The following RYR2 variants were observed in gnomAD, a reference collection of about 807,000 sequenced individuals.
RYR2 encodes the protein cardiac muscle ryanodine receptor-calcium release channel.
A neutral mutation model predicts 601.1 loss-of-function variants in RYR2; 227 were observed. That is an observed-to-expected ratio of 0.38 (90% CI 0.34 to 0.42). RYR2 has a LOEUF of 0.42. Ranked by LOEUF, RYR2 falls within the 10% of genes least tolerant of loss-of-function variation. RYR2 has a pLI of 1.00. For missense variants in RYR2, 4,646 were observed against 6,156.5 expected (o/e 0.75, Z 8.21); for synonymous variants, 2,223 against 2,175.1 (o/e 1.02, Z -0.61).
intron 99 of RYR2, 121 bp downstream of exon 99, chr1:237,806,404 G>T (rs548573954): frequency 3.3e-6 from 3 of 910,138 alleles, no homozygotes; most frequent in South Asian, 1.8e-5. Context: ...TGAAGGGAGG[G>T]TCTGCACCTG....
intron 25 of RYR2, among the ~76,000 whole-genome samples, chr1:237,536,694 G>A (rs1190729561): frequency 7.6e-6 from 1 of 131,360 alleles, no homozygotes; most frequent in Non-Finnish European, 1.6e-5. Flanking sequence ...CAGCCCGGAC[G>A]ACAGAGCGAG....
At chr1:237,437,083 T>C (rs1231310857) in intron 12 of RYR2, among the ~76,000 whole-genome samples, 2 of 151,900 alleles carry the variant, frequency 1.3e-5, no homozygotes, top group African/African-American at 2.4e-5. Flanking sequence ...CTGGCTCTGT[T>C]GCCCAGGCTG....
At chr1:237,460,127 C>G (rs958964256) in intron 16 of RYR2, among the ~76,000 whole-genome samples, 2 of 152,164 alleles carry the variant, frequency 1.3e-5, no homozygotes, top group African/African-American at 4.8e-5. Context: ...CTAGTGCGGC[C>G]TTTTCTTGAT....
rs6675194 is a variant in RYR2, at chr1:237,247,216, G to T, written c.49-23281G>T. On this transcript the variant is annotated intron_variant, in intron 1 of 104. Transcript: ENST00000366574. ...GAAGGACGGAGAAGGAAAAGCTCTC[G>T]ACACTGTGAAATAGCTTACTGGAAG... Among the ~76,000 whole-genome samples, 819 of 152,226 alleles carry T rather than the reference G, an allele frequency of 5.4e-3. 7 individuals are homozygous for T. Among genetic ancestry groups the T allele is most frequent in the African/African-American group, 0.018 (740 of 41,528 alleles).
intron 11 of RYR2, among the ~76,000 whole-genome samples, chr1:237,421,744 G>GA (rs1705607674): frequency 6.6e-6 from 1 of 151,996 alleles, no homozygotes; most frequent in Non-Finnish European, 1.5e-5. Context: ...TTGACTCATT[G>GA]TATTTTGACA....
chr1:237,335,840 T>C, intron 3 of RYR2, among the ~76,000 whole-genome samples: 1 of 152,204 alleles, frequency 6.6e-6, no homozygotes, highest in Non-Finnish European at 1.5e-5. Flanking sequence ...TGGGTATTGG[T>C]AGTTTACCGC....
chr1:237,267,985 G>T (rs1351713537), intron 1 of RYR2, among the ~76,000 whole-genome samples: 1 of 152,188 alleles, frequency 6.6e-6, no homozygotes, highest in Non-Finnish European at 1.5e-5. Flanking sequence ...GATTAAATAA[G>T]TTAATGCCAG....
intron 1 of RYR2, among the ~76,000 whole-genome samples, chr1:237,064,964 GT>G (rs1269022588): frequency 7.9e-5 from 12 of 151,956 alleles, no homozygotes. Flanking sequence ...TGGAACTGAA[GT>G]CCCCCATGAG....
intron 25 of RYR2, among the ~76,000 whole-genome samples, chr1:237,532,384 G>A (rs1668220765): frequency 6.6e-6 from 1 of 151,968 alleles, no homozygotes; most frequent in South Asian, 2.1e-4. Context: ...AACCATAATT[G>A]TTTATTATGA....
At chr1:237,167,641 T>C (rs1676858477) in intron 1 of RYR2, among the ~76,000 whole-genome samples, 1 of 152,016 alleles carries the variant, frequency 6.6e-6, no homozygotes, top group African/African-American at 2.4e-5. Flanking sequence ...TTTCAAAATA[T>C]GTAGTATGTG....
intron 10 of RYR2, among the ~76,000 whole-genome samples, 177 bp from the exon 11 acceptor site, chr1:237,416,872 C>T (rs918123843): frequency 5.9e-5 from 9 of 151,994 alleles, no homozygotes; most frequent in African/African-American, 2.2e-4. Flanking sequence ...ATCACTGTTA[C>T]TGTTATTTTG....
intron 44 of RYR2, among the ~76,000 whole-genome samples, chr1:237,637,026 G>A (rs1680945070): frequency 6.6e-6 from 1 of 152,156 alleles, no homozygotes; most frequent in African/African-American, 2.4e-5. Context: ...CTGGGACTAG[G>A]TGTGTGGGGA....
intron 3 of RYR2, among the ~76,000 whole-genome samples, chr1:237,332,950 A>G (rs998545559): frequency 6.6e-6 from 1 of 152,148 alleles, no homozygotes; most frequent in African/African-American, 2.4e-5. Context: ...TGGAATATCT[A>G]GGATTACAGA....
intron 60 of RYR2, among the ~76,000 whole-genome samples, chr1:237,676,420 C>T (rs770940028): frequency 2.6e-5 from 4 of 152,140 alleles, no homozygotes; most frequent in Admixed American, 2.0e-4. Flanking sequence ...TCATTCTATC[C>T]ACAGGGTAGA....
Position 237,242,198 on chromosome 1 carries a change from T to TTTTTTTTTG in RYR2, c.49-28296_49-28295insTTTTTGTTT, listed in dbSNP as rs928421124. 3.9e-3 allele frequency among the ~76,000 whole-genome samples: 594 copies of TTTTTTTTTG among 150,584 alleles called. 5 individuals are homozygous for TTTTTTTTTG. Among genetic ancestry groups the TTTTTTTTTG allele is most frequent in the African/African-American group, 0.014 (563 of 40,850 alleles). ...TAAACAGTATTTTGATCACTGTTTT[T>TTTTTTTTTG]TTTGTTTGTTTGTTTGTTTGTTTGT... On this transcript the variant is annotated intron_variant, in intron 1 of 104. Coordinates refer to ENST00000366574, the MANE Select transcript of RYR2 (RefSeq NM_001035.3).
chr1:237,622,044 C>T (rs1039477232), intron 38 of RYR2, among the ~76,000 whole-genome samples: 8 of 151,970 alleles, frequency 5.3e-5, no homozygotes, highest in Non-Finnish European at 1.2e-4. Context: ...CTGCATAAAG[C>T]GTACTTGAAG....
intron 34 of RYR2, among the ~76,000 whole-genome samples, chr1:237,596,316 T>G (rs1675889449): frequency 6.6e-6 from 1 of 152,190 alleles, no homozygotes; most frequent in South Asian, 2.1e-4. Flanking sequence ...AACCAATTCA[T>G]GATCTGAATG....
chr1:237,411,005 C>A (rs1704400991), intron 10 of RYR2, among the ~76,000 whole-genome samples: 1 of 152,070 alleles, frequency 6.6e-6, no homozygotes, highest in South Asian at 2.1e-4. Flanking sequence ...TCATTTGCAA[C>A]AACATGGATG....
chr1:237,109,345 G>GT (rs35600188), intron 1 of RYR2, among the ~76,000 whole-genome samples: 89,260 of 150,124 alleles, frequency 0.59, 28,720 homozygotes, highest in Admixed American at 0.74. Context: ...GGTAAAGCTG[G>GT]TTTTTTTTTT....
Sources: allele counts gnomAD v4.1 joint callset (sites outside exome capture counted in the v4.1 genomes callset), GRCh38; gene constraint gnomAD v4.1.1; transcripts MANE v1.5; gene names NCBI Gene and HGNC (gene_info 2026-07-23, HGNC 2026-07-21).